The following TULP4 variants were observed in gnomAD, a reference collection of about 807,000 sequenced individuals.
TULP4 encodes the protein tubby-related protein 4.
TULP4 carries 16 observed loss-of-function variants against 129.0 expected under a neutral mutation model. That is an observed-to-expected ratio of 0.12 (90% CI 0.08 to 0.19). The LOEUF (loss-of-function observed/expected upper bound fraction) is 0.19. Ranked by LOEUF, TULP4 falls within the 10% of genes least tolerant of loss-of-function variation. The pLI is 1.00. For missense variants in TULP4, 1,842 were observed against 2,059.1 expected (o/e 0.89, Z 2.04); for synonymous variants, 998 against 854.0 (o/e 1.17, Z -2.94).
intron 2 of TULP4, among the ~76,000 whole-genome samples, chr6:158,423,801 C>T (rs187589879): frequency 1.6e-3 from 239 of 152,016 alleles, no homozygotes; most frequent in African/African-American, 5.4e-3. Flanking sequence ...CCACCACACC[C>T]GGCTAATTTT....
At chr6:158,263,300 C>A (rs1778384093) in intron 1 of TULP4, among the ~76,000 whole-genome samples, 1 of 152,178 alleles carries the variant, frequency 6.6e-6, no homozygotes, top group Admixed American at 6.5e-5. Context: ...AGACTGTCTC[C>A]TAAGAACTAG....
chr6:158,277,664 T>C (rs1364949001), upstream of TULP4, among the ~76,000 whole-genome samples: 1 of 152,156 alleles, frequency 6.6e-6, no homozygotes, highest in Non-Finnish European at 1.5e-5. Flanking sequence ...AGTGTCACAC[T>C]AGGCTTGGTT....
intron 1 of TULP4, among the ~76,000 whole-genome samples, chr6:158,355,218 T>A (rs1378006290): frequency 6.6e-6 from 1 of 151,944 alleles, no homozygotes; most frequent in Non-Finnish European, 1.5e-5. Context: ...ACTACAGGAA[T>A]GTGTCCCAGC....
intron 1 of TULP4, among the ~76,000 whole-genome samples, chr6:158,335,295 T>G (rs1181058569): frequency 1.3e-5 from 2 of 150,180 alleles, no homozygotes; most frequent in South Asian, 2.1e-4. Flanking sequence ...AAAAAAAAAT[T>G]TTTGTTCTTT....
intron 1 of TULP4, among the ~76,000 whole-genome samples, chr6:158,236,854 C>T (rs1777719880): frequency 8.6e-6 from 1 of 116,880 alleles, no homozygotes; most frequent in African/African-American, 3.4e-5. Context: ...TGCTCTGTCA[C>T]CCAGGCTGGA....
Position 158,479,709 on chromosome 6 carries a change from G to T in TULP4, c.1027-42G>T, listed in dbSNP as rs1374571174. 6 of 1,583,376 alleles carry T rather than the reference G, an allele frequency of 3.8e-6. No individual in the cohort carries two copies. The African/African-American group carries it at 6.7e-5, about 18-fold the overall frequency. ...CATTATCCCTTTTTGCTTCCCACAA[G>T]AGCAAAAGCTTAAGCATTGTCTTCC... On this transcript the variant is annotated intron_variant, in intron 6 of 13. Transcript: ENST00000367097.
chr6:158,411,139 A>AG (rs1287113081), intron 1 of TULP4, among the ~76,000 whole-genome samples: 1 of 152,098 alleles, frequency 6.6e-6, no homozygotes, highest in Non-Finnish European at 1.5e-5. Flanking sequence ...AAAAAAAAAA[A>AG]AAAAAAGTAA....
rs1491006043 is a variant in TULP4 at position 158,365,897 on chromosome 6, TTC to T, written c.253-47166_253-47165del. On this transcript the variant is annotated intron_variant, in intron 1 of 13. Transcript: ENST00000367097. The stretch of plus-strand genomic sequence containing the variant: ...TTTCTTTTTTTTTTTTTCTTTTTCT[TTC>T]TTTTTTTTTTTTTTTTTTTTTGAGA... 2.0e-3 allele frequency among the ~76,000 whole-genome samples: 223 copies of T among 111,554 alleles called. 1 individual carries two copies. Among genetic ancestry groups the T allele is most frequent in the Non-Finnish European group, 3.1e-3 (177 of 57,196 alleles). 73.2% of individuals were successfully genotyped at this position (111,554 alleles called of 152,430 possible).
chr6:158,447,060 A>G (rs1434887100), intron 3 of TULP4, among the ~76,000 whole-genome samples: 1 of 152,174 alleles, frequency 6.6e-6, no homozygotes, highest in African/African-American at 2.4e-5. Flanking sequence ...AAATCACACA[A>G]TCCCACAGTA....
intron 1 of TULP4, among the ~76,000 whole-genome samples, chr6:158,389,996 A>C (rs1777546803): frequency 6.6e-6 from 1 of 151,928 alleles, no homozygotes; most frequent in South Asian, 2.1e-4. Context: ...TTCTCCTGCC[A>C]GGAGGCGGAG....
chr6:158,456,662 T>G (rs1779298301), intron 5 of TULP4, among the ~76,000 whole-genome samples: 1 of 152,090 alleles, frequency 6.6e-6, no homozygotes. Flanking sequence ...TGAAACCTCA[T>G]CTCTACTAAA....
At chr6:158,371,942 G>A (rs1777078505) in intron 1 of TULP4, among the ~76,000 whole-genome samples, 1 of 152,142 alleles carries the variant, frequency 6.6e-6, no homozygotes, top group South Asian at 2.1e-4. Flanking sequence ...AGCCACCTGA[G>A]TAGCTGGCAC....
At chr6:158,339,727 C>T (rs1780135994) in intron 1 of TULP4, among the ~76,000 whole-genome samples, 1 of 152,180 alleles carries the variant, frequency 6.6e-6, no homozygotes, top group African/African-American at 2.4e-5. Flanking sequence ...GGTTATCTCC[C>T]TTGTTCCCTG....
At chr6:158,486,501 C>A (rs889895895) in intron 8 of TULP4, among the ~76,000 whole-genome samples, 2 of 151,914 alleles carry the variant, frequency 1.3e-5, no homozygotes, top group Non-Finnish European at 2.9e-5. Flanking sequence ...TGCAGTGAGC[C>A]GAGATCGCGC....
At chr6:158,398,737 C>G (rs1777776518) in intron 1 of TULP4, among the ~76,000 whole-genome samples, 1 of 152,228 alleles carries the variant, frequency 6.6e-6, no homozygotes, top group South Asian at 2.1e-4. Context: ...GTAAGAACCA[C>G]CACTATAGAT....
At chr6:158,393,067 C>T (rs975154954) in intron 1 of TULP4, among the ~76,000 whole-genome samples, 1 of 151,636 alleles carries the variant, frequency 6.6e-6, no homozygotes, top group Non-Finnish European at 1.5e-5. Context: ...TGCTCTTGAT[C>T]CAAATGGGAA....
intron 1 of TULP4, among the ~76,000 whole-genome samples, chr6:158,302,509 A>G (rs1779149187): frequency 6.6e-6 from 1 of 151,980 alleles, no homozygotes; most frequent in Non-Finnish European, 1.5e-5. Flanking sequence ...TTCCAGGGGG[A>G]GAGAGAAGGT....
chr6:158,421,097 C>G (rs1778328233), intron 2 of TULP4, among the ~76,000 whole-genome samples: 1 of 152,126 alleles, frequency 6.6e-6, no homozygotes, highest in Non-Finnish European at 1.5e-5. Flanking sequence ...CGCGGTGGCT[C>G]ACGCCTGTAA....
chr6:158,500,098 C>A (rs561779295), intron 12 of TULP4, among the ~76,000 whole-genome samples: 1 of 152,324 alleles, frequency 6.6e-6, no homozygotes, highest in African/African-American at 2.4e-5. Flanking sequence ...TTTCCCTGTT[C>A]TCCCAAAATG....
Sources: gnomAD v4.1 joint callset for allele counts (sites outside exome capture counted in the v4.1 genomes callset) on GRCh38, gnomAD v4.1.1 for gene constraint, MANE v1.5 for transcripts, NCBI Gene and HGNC (gene_info 2026-07-23, HGNC 2026-07-21) for gene names.